SELENOM: variants seen among roughly 807,000 people sequenced by gnomAD.
SELENOM encodes selenoprotein SelM.
SELENOM carries 17 observed loss-of-function variants against 14.5 expected under a neutral mutation model. The ratio of observed to expected loss-of-function variants is 1.17; its 90% CI spans 0.80 to 1.76. The LOEUF (loss-of-function observed/expected upper bound fraction) is 1.76, where lower values mean the gene tolerates loss of function less well. Ranked by LOEUF, SELENOM falls within the 40% of genes most tolerant of loss-of-function variation. SELENOM has a pLI of 0.00. For synonymous variants in SELENOM, 102 were observed against 93.3 expected (o/e 1.09, Z -0.54); for missense variants, 230 against 204.6 (o/e 1.12, Z -0.76).
Position 31,107,441 on chromosome 22 carries a change from G to A in SELENOM, c.65C>T (p.Thr22Ile), listed in dbSNP as rs867322514. ...GTCCGGCCGGTAGGCAGTGGCGGCTGTGGCTGGGGCCACAAGCGCCGCGAG... is the reference window on the plus strand; with the variant it reads ...GTCCGGCCGGTAGGCAGTGGCGGCTATGGCTGGGGCCACAAGCGCCGCGAG... ...LLLAALVAPA[T>I]AATAYRPDWN... is the part of the protein sequence containing the mutation. Residue 22 changes from threonine (T) to isoleucine (I), a missense_variant, in exon 1 of 5, where the codon ACA (threonine) becomes ATA (isoleucine). By Grantham distance (89) the Thr-to-Ile change is moderately conservative. Transcript: ENST00000400299. 2 of 1,572,590 alleles carry A rather than the reference G, an allele frequency of 1.3e-6. No individual in the cohort carries two copies. Among genetic ancestry groups the A allele is most frequent in the East Asian group, 2.3e-5 (1 of 42,928 alleles).
chr22:31,105,027 C>T lies in SELENOM; in HGVS notation c.381G>A (p.Glu127=), dbSNP rs776719501. 1.2e-6 allele frequency: 2 copies of T among 1,610,556 alleles called. No individual in the cohort carries two copies. The highest frequency in any genetic ancestry group is 1.7e-6 in the Non-Finnish European group (2 of 1,179,108). ...GGGGCTTCGCGGGCGCCCACACGTA[C>T]TCGGGGGGCACCTGCGCGTCGGGCG... ...KAAPDAQVPP[E]YVWAPAKPPE... Residue 127 remains glutamate, a synonymous_variant, in exon 5 of 5, where the codon GAG becomes GAA. Transcript: ENST00000400299.
At position 31,107,442 on chromosome 22, in the gene SELENOM, T is replaced by G. The variant is rs1238288175; in HGVS notation, c.64A>C (p.Thr22Pro). 1 of 1,572,126 alleles carries G rather than the reference T, an allele frequency of 6.4e-7. No individual in the cohort carries two copies. Among genetic ancestry groups the G allele is most frequent in the Non-Finnish European group, 8.6e-7 (1 of 1,161,296 alleles). The change falls in exon 1 of 5, where the codon ACA (threonine) becomes CCA (proline). Residue 22 changes from threonine to proline, a missense_variant. Transcript: ENST00000400299. ...LLLAALVAPA[T>P]AATAYRPDWN... ...TCCGGCCGGTAGGCAGTGGCGGCTG[T>G]GGCTGGGGCCACAAGCGCCGCGAGA...
intron 1 of SELENOM, 159 bp from the exon 2 acceptor site, chr22:31,106,124 C>T (rs1169618968): frequency 4.8e-5 from 33 of 689,732 alleles, no homozygotes; most frequent in Non-Finnish European, 4.7e-5. Context: ...CCCTTGTGGG[C>T]AGAAGGGGGA....
chr22:31,107,433 TG>T lies in SELENOM; in HGVS notation c.72del (p.Thr25LeufsTer10). The T allele has an allele frequency of 6.3e-7, 1 of 1,577,350 alleles. No homozygotes were observed. Among genetic ancestry groups the T allele is most frequent in the South Asian group, 1.2e-5 (1 of 86,494 alleles). ...CGGTTCCAGTCCGGCCGGTAGGCAG[TG>T]GCGGCTGTGGCTGGGGCCACAAGCG... ...LAALVAPATAATAYRPDWNRL... is the reference protein window; with the variant it reads ...LAALVAPATAXTAYRPDWNRL... On this transcript the variant is annotated frameshift_variant, in exon 1 of 5. Coordinates refer to ENST00000400299, the MANE Select transcript of SELENOM (RefSeq NM_080430.4). LOFTEE classifies it high-confidence loss of function.
rs756384126 is a variant in SELENOM, at chr22:31,105,647, CAGA to C, written c.200+8_200+10del. The C allele has an allele frequency of 1.2e-6, 2 of 1,613,864 alleles. No individual in the cohort carries two copies. The highest frequency in any genetic ancestry group is 1.1e-5 in the South Asian group (1 of 91,080). On this transcript the variant is annotated splice_region_variant and intron_variant, in intron 3 of 4. Transcript: ENST00000400299. ...CCATCCCATTTCCCCTCCCCCAGAA[CAGA>C]AGGATACTAGAATGGAATGTCCTGC... is the stretch of plus-strand genomic sequence containing the variant.
chr22:31,105,023 C>A lies in SELENOM; in HGVS notation c.385G>T (p.Val129Leu), dbSNP rs371024549. ...TCTGGGGGCTTCGCGGGCGCCCACACGTACTCGGGGGGCACCTGCGCGTCG... is the reference window on the plus strand; with the variant it reads ...TCTGGGGGCTTCGCGGGCGCCCACAAGTACTCGGGGGGCACCTGCGCGTCG... ...APDAQVPPEY[V>L]WAPAKPPEET... Residue 129 changes from valine to leucine, a missense_variant, in exon 5 of 5, where the codon GTG (valine) becomes TTG (leucine). Val to Leu is a conservative substitution (Grantham distance 32). Transcript: ENST00000400299. 1.0e-4 allele frequency: 161 copies of A among 1,609,264 alleles called. No homozygotes were observed. Among genetic ancestry groups the A allele is most frequent in the Middle Eastern group, 1.7e-4 (1 of 6,036 alleles).
chr22:31,106,651 T>C (rs897555407), intron 1 of SELENOM: 3 of 163,292 alleles, frequency 1.8e-5, no homozygotes, highest in South Asian at 1.8e-4. Context: ...GGTCTTGAAC[T>C]CCTGGGCTCA....
chr22:31,107,035 C>G (rs551463060), intron 1 of SELENOM: 19 of 210,568 alleles, frequency 9.0e-5, no homozygotes, highest in African/African-American at 4.4e-4. Context: ...TCCAGGAAAA[C>G]ATGAAGTGAT....
Position 31,105,981 on chromosome 22 carries a change from A to G in SELENOM, c.130-16T>C, listed in dbSNP as rs1316639314. On this transcript the variant is annotated splice_polypyrimidine_tract_variant and intron_variant, in intron 1 of 4. Transcript: ENST00000400299. ...CCCCGCAGGTCTGGAGGGGGATAAAATGGGATAGGTCAGGAGTCCTTCACG... is the reference window on the plus strand; with the variant it reads ...CCCCGCAGGTCTGGAGGGGGATAAAGTGGGATAGGTCAGGAGTCCTTCACG... 1 of 1,613,180 alleles carries G rather than the reference A, an allele frequency of 6.2e-7. No homozygotes were observed. Among genetic ancestry groups the G allele is most frequent in the African/African-American group, 1.3e-5 (1 of 74,892 alleles).
Position 31,104,827 on chromosome 22 carries a change from G to A in SELENOM, c.*143C>T. The A allele has an allele frequency of 4.5e-6, 4 of 884,042 alleles. No homozygotes were observed. The highest frequency in any genetic ancestry group is 6.6e-6 in the Non-Finnish European group (4 of 607,122). The allele number at this position is 884,042 out of a possible 1,614,324, so 54.8% of individuals were successfully genotyped here. A position where few individuals can be genotyped will look rare whatever the true frequency, so the allele number is the denominator to read the frequency against. ...GCTGGGGAAGGAAGAAAGTGGGGTT[G>A]GGAGAACCTCCCCAACCCCATCCCT... On this transcript the variant is annotated 3_prime_UTR_variant, in exon 5 of 5. Coordinates refer to ENST00000400299, the MANE Select transcript of SELENOM (RefSeq NM_080430.4).
rs1332184568 is a variant in SELENOM at position 31,107,480 on chromosome 22, GC to G, written c.25del (p.Ala9ArgfsTer26). MSLLLPPL[A>X]LLLLLAALVA... ...AAGCGCCGCGAGAAGCAGCAGCAGC[GC>G]CAGCGGAGGCAACAGGAGGCTCATC... On this transcript the variant is annotated frameshift_variant, in exon 1 of 5. Transcript: ENST00000400299. LOFTEE classifies it high-confidence loss of function. 9.0e-6 allele frequency: 14 copies of G among 1,556,672 alleles called. No homozygotes were observed. The highest frequency in any genetic ancestry group is 1.1e-5 in the Non-Finnish European group (13 of 1,153,236).
At chr22:31,105,573 A>G (rs2044393778) in intron 3 of SELENOM, 85 bp downstream of exon 3, 1 of 1,389,762 alleles carries the variant, frequency 7.2e-7, no homozygotes, top group South Asian at 1.2e-5. Context: ...GTCAGTTGAA[A>G]ACCATCTGCC....
At chr22:31,105,588 C>T in intron 3 of SELENOM, 70 bp downstream of exon 3, 1 of 1,500,578 alleles carries the variant, frequency 6.7e-7, no homozygotes, top group South Asian at 1.1e-5. Flanking sequence ...TCTGCCACCC[C>T]TTTCTGAAGT....
At chr22:31,105,818 T>A in intron 2 of SELENOM, 112 bp downstream of exon 2, 1 of 1,466,376 alleles carries the variant, frequency 6.8e-7, no homozygotes, top group Non-Finnish European at 9.6e-7. Context: ...TAGGCTAGAC[T>A]CTCAGCCTAG....
chr22:31,107,337 G>A, intron 1 of SELENOM, 40 bp downstream of exon 1: 1 of 1,572,796 alleles, frequency 6.4e-7, no homozygotes, highest in Non-Finnish European at 8.6e-7. Context: ...CCGCAGGGTT[G>A]GGGAACGATA....
In SELENOM at chr22:31,105,199, C is replaced by T. The variant is rs780771781; in HGVS notation, c.279+9G>A. 5.6e-6 allele frequency: 9 copies of T among 1,613,296 alleles called. No homozygotes were observed. Among genetic ancestry groups the T allele is most frequent in the South Asian group, 1.1e-5 (1 of 91,034 alleles). ...GGCCTCGCCCCCAGCCCACCTCCCA[C>T]GGCCTCACCTCTAGTTCCTCGTAGC... On this transcript the variant is annotated intron_variant, in intron 4 of 4. Transcript: ENST00000400299.
At position 31,107,518 on chromosome 22, in the gene SELENOM, G is replaced by C; in HGVS notation, c.-13C>G. On this transcript the variant is annotated 5_prime_UTR_variant, in exon 1 of 5. Coordinates refer to ENST00000400299, the MANE Select transcript of SELENOM (RefSeq NM_080430.4). ...ACAGGAGGCTCATCGGGACCCGGCCGCAGATGATGCGCAAGCTGGAGGCGA... is the reference window on the plus strand; with the variant it reads ...ACAGGAGGCTCATCGGGACCCGGCCCCAGATGATGCGCAAGCTGGAGGCGA... 9 of 1,531,382 alleles carry C rather than the reference G, an allele frequency of 5.9e-6. No homozygotes were observed. Among genetic ancestry groups the C allele is most frequent in the Non-Finnish European group, 7.0e-6 (8 of 1,140,206 alleles). 94.9% of individuals were successfully genotyped at this position (1,531,382 alleles called of 1,614,324 possible).
At chr22:31,107,302 C>A in intron 1 of SELENOM, 75 bp downstream of exon 1, 4 of 1,493,552 alleles carry the variant, frequency 2.7e-6, no homozygotes, top group Non-Finnish European at 3.6e-6. Context: ...GTCTTGGGGC[C>A]GGGACGGACG....
Position 31,107,497 on chromosome 22 carries a change from G to A in SELENOM, c.9C>T (p.Leu3=), listed in dbSNP as rs1199402926. MS[L]LLPPLALLLL... ...GCAGCAGCGCCAGCGGAGGCAACAG[G>A]AGGCTCATCGGGACCCGGCCGCAGA... The change falls in exon 1 of 5, where the codon CTC becomes CTT. Residue 3 remains leucine (L), a synonymous_variant. Transcript: ENST00000400299. 2 of 1,550,866 alleles carry A rather than the reference G, an allele frequency of 1.3e-6. No homozygotes were observed. The highest frequency in any genetic ancestry group is 1.7e-6 in the Non-Finnish European group (2 of 1,150,304).
Sources: allele counts gnomAD v4.1 joint callset, GRCh38; gene constraint gnomAD v4.1.1; transcripts MANE v1.5; gene names NCBI Gene and HGNC (gene_info 2026-07-23, HGNC 2026-07-21).